The following CPA4 variants were observed in gnomAD, a reference collection of about 807,000 sequenced individuals.
CPA4 encodes the protein carboxypeptidase A4.
In CPA4, 49 loss-of-function variants were observed where a neutral mutation model predicts 54.7. The observed-to-expected ratio is 0.90, with a 90% CI of 0.71 to 1.14. CPA4 has a LOEUF of 1.14. Ranked by LOEUF, CPA4 falls within the 50% of genes most tolerant of loss-of-function variation. The pLI is 0.00. For missense variants in CPA4, 487 were observed against 525.1 expected (o/e 0.93, Z 0.71); for synonymous variants, 215 against 206.8 (o/e 1.04, Z -0.34).
At chr7:130,309,764 T>G (rs1584751117) in intron 8 of CPA4, among the ~76,000 whole-genome samples, 2 of 152,112 alleles carry the variant, frequency 1.3e-5, no homozygotes, top group South Asian at 2.1e-4. Context: ...TGATGGGTTG[T>G]TTGTTTGTTT....
Position 130,307,631 on chromosome 7 carries a change from G to GAA in CPA4, c.703-659_703-658dup, listed in dbSNP as rs777184935. ...GGCGACAGGGCAAGACTCCATCTCA[G>GAA]AAAAAAAAAAAAAAAAAAGTGTTTT... On this transcript the variant is annotated intron_variant, in intron 7 of 10. Coordinates refer to ENST00000222482, the MANE Select transcript of CPA4 (RefSeq NM_016352.4). Among the ~76,000 whole-genome samples, 985 of 112,096 alleles carry GAA rather than the reference G, an allele frequency of 8.8e-3. 84 individuals carry two copies. In the East Asian group the frequency reaches 0.18, roughly 20 times the overall value. The allele number at this position is 112,096 out of a possible 152,430, so 73.5% of individuals were successfully genotyped here. A position where few individuals can be genotyped will look rare whatever the true frequency, so the allele number is the denominator to read the frequency against.
chr7:130,300,728 T>C (rs1793726916), intron 3 of CPA4, 88 bp from the exon 4 acceptor site: 1 of 852,974 alleles, frequency 1.2e-6, no homozygotes, highest in African/African-American at 1.7e-5. Flanking sequence ...GCCGCCATCT[T>C]GGCTGACCCA....
In CPA4 at chr7:130,300,221, G is replaced by A. The variant is rs773870522; in HGVS notation, c.286-595G>A. Among the ~76,000 whole-genome samples, 217 of 152,246 alleles carry A rather than the reference G, an allele frequency of 1.4e-3. 1 individual carries two copies. The highest frequency in any genetic ancestry group is 2.7e-3 in the Admixed American group (41 of 15,294). On this transcript the variant is annotated intron_variant, in intron 3 of 10. Coordinates refer to ENST00000222482, the MANE Select transcript of CPA4 (RefSeq NM_016352.4). ...TTCAGAGGCACTGGATACCAGATGC[G>A]GGCTGATGTCTACAGAGTTCATACT... is the stretch of plus-strand genomic sequence containing the variant.
intron 10 of CPA4, among the ~76,000 whole-genome samples, chr7:130,317,340 C>A (rs1023540563): frequency 6.6e-6 from 1 of 152,192 alleles, no homozygotes; most frequent in Non-Finnish European, 1.5e-5. Flanking sequence ...GTATGTTATA[C>A]CATCTAGGTT....
chr7:130,298,521 T>G (rs1308835224), intron 1 of CPA4, among the ~76,000 whole-genome samples: 1 of 152,254 alleles, frequency 6.6e-6, no homozygotes, highest in African/African-American at 2.4e-5. Flanking sequence ...TACAATTTTG[T>G]GTCCTGCTCT....
intron 10 of CPA4, among the ~76,000 whole-genome samples, chr7:130,321,257 G>T (rs1323991632): frequency 1.3e-5 from 2 of 152,122 alleles, no homozygotes; most frequent in South Asian, 2.1e-4. Flanking sequence ...AGCTAGTAGG[G>T]TTTGACTGGT....
Position 130,308,398 on chromosome 7 carries a change from G to A in CPA4, c.793+1G>A, listed in dbSNP as rs1314139457. ...AGAAACTGGAACGCTAGTTTTGCAG[G>A]TAGGCGGTGGGGAGACAGTTCTCAA... is the stretch of plus-strand genomic sequence containing the variant. On this transcript the variant is annotated splice_donor_variant, in intron 8 of 10. Coordinates refer to ENST00000222482, the MANE Select transcript of CPA4 (RefSeq NM_016352.4). LOFTEE classifies it high-confidence loss of function. 2 of 1,612,362 alleles carry A rather than the reference G, an allele frequency of 1.2e-6. No homozygotes were observed. Among genetic ancestry groups the A allele is most frequent in the Non-Finnish European group, 1.7e-6 (2 of 1,178,334 alleles).
chr7:130,318,825 C>A (rs1383797131), intron 10 of CPA4, among the ~76,000 whole-genome samples: 1 of 152,172 alleles, frequency 6.6e-6, no homozygotes, highest in Non-Finnish European at 1.5e-5. Flanking sequence ...CTATCCAACG[C>A]CATAGGTTAT....
At chr7:130,300,462 A>T (rs1205704020) in intron 3 of CPA4, among the ~76,000 whole-genome samples, 1 of 151,658 alleles carries the variant, frequency 6.6e-6, no homozygotes, top group Non-Finnish European at 1.5e-5. Flanking sequence ...CAGCCTCCCA[A>T]GTAGCTGGGA....
chr7:130,298,876 A>G, intron 2 of CPA4, 49 bp downstream of exon 2: 1 of 1,077,398 alleles, frequency 9.3e-7, no homozygotes. Context: ...CTTTGCTGGG[A>G]GAAGACTCTT....
chr7:130,312,599 T>G (rs1294479679), intron 10 of CPA4, among the ~76,000 whole-genome samples: 2 of 152,112 alleles, frequency 1.3e-5, no homozygotes, highest in Non-Finnish European at 2.9e-5. Context: ...GTAAATCTCA[T>G]GAGATCTGAT....
chr7:130,309,459 A>G (rs767537880), intron 8 of CPA4, among the ~76,000 whole-genome samples: 33 of 152,178 alleles, frequency 2.2e-4, no homozygotes, highest in Non-Finnish European at 4.3e-4. Context: ...AGATGTGTAG[A>G]TATGAACCTT....
intron 7 of CPA4, chr7:130,308,001 T>C: frequency 2.6e-6 from 1 of 381,570 alleles, no homozygotes; most frequent in South Asian, 3.3e-5. Context: ...AGGCATATAG[T>C]GTCCATTTGC....
At chr7:130,308,081 G>C (rs139310952) in intron 7 of CPA4, 25 of 569,216 alleles carry the variant, frequency 4.4e-5, no homozygotes, top group African/African-American at 4.3e-4. Flanking sequence ...GCATATAAAG[G>C]TCTCATCAGT....
chr7:130,296,864 A>C (rs1279449532), intron 1 of CPA4, among the ~76,000 whole-genome samples: 2 of 150,994 alleles, frequency 1.3e-5, no homozygotes, highest in East Asian at 3.9e-4. Context: ...TGTTGGAGGT[A>C]GGTTATGATA....
Position 130,318,791 on chromosome 7 carries a change from A to G in CPA4, c.1079-3698A>G, listed in dbSNP as rs540298618. Among the ~76,000 whole-genome samples, 4 of 152,214 alleles carry G rather than the reference A, an allele frequency of 2.6e-5. No individual in the cohort carries two copies. In the South Asian group the frequency reaches 6.2e-4, roughly 24 times the overall value. On this transcript the variant is annotated intron_variant, in intron 10 of 10. Transcript: ENST00000222482. ...GTCCTTGTTTTTTCAAAAAAAAAGC[A>G]ATCAATTTTTGTATAATAGCACTCT...
Position 130,322,842 on chromosome 7 carries a change from A to G in CPA4, c.*166A>G, listed in dbSNP as rs11760971. 605,607 of 610,568 alleles carry G rather than the reference A, an allele frequency of 0.99. 300,513 individuals are homozygous for G. Among genetic ancestry groups the G allele is most frequent in the East Asian group, 1 (34,053 of 34,056 alleles). The allele number at this position is 610,568 out of a possible 1,614,324, so 37.8% of individuals were successfully genotyped here. A position where few individuals can be genotyped will look rare whatever the true frequency, so the allele number is the denominator to read the frequency against. On this transcript the variant is annotated 3_prime_UTR_variant, in exon 11 of 11. Transcript: ENST00000222482. ...GCTCCCTGGAGTCGTGTGTCCTGGC[A>G]GTGTCCCTGCAAGAACTGGTTCTGC...
Position 130,308,352 on chromosome 7 carries a change from T to C in CPA4, c.748T>C (p.Cys250Arg). 2 of 1,614,214 alleles carry C rather than the reference T, an allele frequency of 1.2e-6. No individual in the cohort carries two copies. Among genetic ancestry groups the C allele is most frequent in the South Asian group, 1.1e-5 (1 of 91,084 alleles). ...KTRSRNPGSS[C>R]IGADPNRNWN... ...GCGGTCCCGAAATCCTGGAAGCTCC[T>C]GCATTGGTGCTGACCCAAATAGAAA... The change falls in exon 8 of 11, where the codon TGC (cysteine) becomes CGC (arginine). Residue 250 changes from cysteine to arginine, a missense_variant. Coordinates refer to ENST00000222482, the MANE Select transcript of CPA4 (RefSeq NM_016352.4).
intron 3 of CPA4, 60 bp from the exon 4 acceptor site, chr7:130,300,756 G>GA (rs1793727569): frequency 8.1e-7 from 1 of 1,241,530 alleles, no homozygotes; most frequent in Non-Finnish European, 1.2e-6. Flanking sequence ...AGATATGGCA[G>GA]AAAAAACATA....
Sources: allele counts gnomAD v4.1 joint callset (sites outside exome capture counted in the v4.1 genomes callset), GRCh38; gene constraint gnomAD v4.1.1; transcripts MANE v1.5; gene names NCBI Gene and HGNC (gene_info 2026-07-23, HGNC 2026-07-21).